SPON1: variants seen among roughly 807,000 people sequenced by gnomAD.
SPON1 encodes the protein spondin-1.
Under a neutral mutation model 111.7 loss-of-function variants are expected in SPON1, and 52 were observed. The observed-to-expected ratio is 0.47, with a 90% CI of 0.37 to 0.59. SPON1 has a LOEUF of 0.59. Ranked by LOEUF, SPON1 falls within the 20% of genes least tolerant of loss-of-function variation. The probability of loss-of-function intolerance (pLI) is 0.00; values close to 1 mark genes in which losing one functional copy is unlikely to be tolerated. For missense variants in SPON1, 957 were observed against 1,068.5 expected, an observed-to-expected ratio of 0.90 and a Z score of 1.46; for synonymous variants, 410 against 395.8, an observed-to-expected ratio of 1.04 and a Z score of -0.43.
chr11:14,226,371 G>T (rs2133909438), intron 6 of SPON1, among the ~76,000 whole-genome samples: 1 of 152,268 alleles, frequency 6.6e-6, no homozygotes, highest in Non-Finnish European at 1.5e-5. Context: ...AAAACATAAT[G>T]GGATGTGAAA....
chr11:14,217,675 A>G (rs1468120837), intron 6 of SPON1, among the ~76,000 whole-genome samples: 1 of 152,184 alleles, frequency 6.6e-6, no homozygotes, highest in Non-Finnish European at 1.5e-5. Flanking sequence ...CTTGTGTTTA[A>G]ATATAATTTG....
intron 1 of SPON1, among the ~76,000 whole-genome samples, chr11:13,973,438 G>A (rs1276656013): frequency 6.6e-6 from 1 of 152,182 alleles, no homozygotes; most frequent in Non-Finnish European, 1.5e-5. Context: ...CCTCCCCAGA[G>A]GCATCCTTCC....
At chr11:14,160,963 TTATA>T (rs1171426532) in intron 6 of SPON1, among the ~76,000 whole-genome samples, 1 of 58,080 alleles carries the variant, frequency 1.7e-5, no homozygotes, top group Non-Finnish European at 2.9e-5. Context: ...TTATATATAT[TTATA>T]TATATTTTTA....
intron 5 of SPON1, 40 bp downstream of exon 5, chr11:14,080,061 A>G: frequency 6.2e-7 from 1 of 1,613,038 alleles, no homozygotes; most frequent in Non-Finnish European, 8.5e-7. Flanking sequence ...GGAAAAGCAC[A>G]TTGTCAAAGT....
intron 6 of SPON1, among the ~76,000 whole-genome samples, chr11:14,200,871 C>T (rs192688603): frequency 3.4e-5 from 5 of 147,580 alleles, no homozygotes; most frequent in African/African-American, 1.3e-4. Flanking sequence ...ATTCAATGGT[C>T]CCAGGTTTCA....
rs186975962 is a variant in SPON1 at position 14,051,154 on chromosome 11, T to C, written c.479+9500T>C. 9.2e-5 allele frequency among the ~76,000 whole-genome samples: 14 copies of C among 152,216 alleles called. 1 individual carries two copies. In the East Asian group the frequency reaches 2.7e-3, roughly 29 times the overall value. ...TCCATTTGTTGAAGTTTAATCCCCA[T>C]CGTGATGGTATTTGGAGGTGGGACC... On this transcript the variant is annotated intron_variant, in intron 3 of 15. Transcript: ENST00000576479.
intron 10 of SPON1, among the ~76,000 whole-genome samples, chr11:14,257,389 A>G (rs1466473117): frequency 6.6e-6 from 1 of 152,208 alleles, no homozygotes; most frequent in Non-Finnish European, 1.5e-5. Context: ...ATAAGCCTTG[A>G]GCTTTTCAAA....
chr11:14,202,754 A>C (rs782252246), intron 6 of SPON1, among the ~76,000 whole-genome samples: 1 of 152,164 alleles, frequency 6.6e-6, no homozygotes, highest in African/African-American at 2.4e-5. Context: ...GGCTAATATC[A>C]TCAATTATTT....
chr11:14,145,538 T>C (rs546181721), intron 6 of SPON1, among the ~76,000 whole-genome samples: 2 of 152,364 alleles, frequency 1.3e-5, no homozygotes, highest in Admixed American at 1.3e-4. Context: ...TTATACGTTT[T>C]CTTTTTTCTA....
chr11:13,994,455 C>A (rs1004972364), intron 2 of SPON1, among the ~76,000 whole-genome samples: 7 of 152,060 alleles, frequency 4.6e-5, no homozygotes, highest in African/African-American at 1.7e-4. Context: ...CACACACACA[C>A]AAAACCTGCA....
intron 6 of SPON1, among the ~76,000 whole-genome samples, 175 bp from the exon 7 acceptor site, chr11:14,243,157 G>C (rs1363120764): frequency 3.9e-5 from 6 of 152,200 alleles, no homozygotes; most frequent in African/African-American, 1.4e-4. Context: ...CCCTCTCCCG[G>C]TATCACTGAG....
chr11:14,137,402 C>A (rs552571102), intron 6 of SPON1, among the ~76,000 whole-genome samples: 1 of 152,104 alleles, frequency 6.6e-6, no homozygotes, highest in Non-Finnish European at 1.5e-5. Context: ...GACAAACAGT[C>A]GTAATAATAA....
chr11:14,257,697 T>C lies in SPON1; in HGVS notation c.1310-19T>C, dbSNP rs1554941366. On this transcript the variant is annotated intron_variant, in intron 10 of 15. Coordinates refer to ENST00000576479, the MANE Select transcript of SPON1 (RefSeq NM_006108.4). ...CTCCCATAGGTTCCCAGGGAAAACA[T>C]GTCAAACACTCTTTCCAGATGACAC... is the stretch of plus-strand genomic sequence containing the variant. 2.5e-6 allele frequency: 4 copies of C among 1,584,380 alleles called. No individual in the cohort carries two copies. Among genetic ancestry groups the C allele is most frequent in the South Asian group, 1.1e-5 (1 of 87,706 alleles).
At chr11:14,217,983 G>T (rs1848642770) in intron 6 of SPON1, among the ~76,000 whole-genome samples, 1 of 152,100 alleles carries the variant, frequency 6.6e-6, no homozygotes, top group Non-Finnish European at 1.5e-5. Context: ...AAACCCTGGG[G>T]GTAGGGCTCA....
Position 14,259,469 on chromosome 11 carries a change from CG to C in SPON1, c.1663+22del. On this transcript the variant is annotated intron_variant, in intron 12 of 15. Transcript: ENST00000576479. This position sits in a 1 kb window ranked among gnomAD's most constrained non-coding sequence, Gnocchi z 5.0. Reference sequence around the variant, plus strand: ...GAGTGCTGTGAGTGGGGGCCCCGGGCGGGCAGGCGGGCAAGTAGGTCGGGGA... The same window carrying C: ...GAGTGCTGTGAGTGGGGGCCCCGGGCGGCAGGCGGGCAAGTAGGTCGGGGA... 3 of 1,594,546 alleles carry C rather than the reference CG, an allele frequency of 1.9e-6. No homozygotes were observed. Among genetic ancestry groups the C allele is most frequent in the Non-Finnish European group, 2.6e-6 (3 of 1,170,558 alleles).
intron 1 of SPON1, among the ~76,000 whole-genome samples, chr11:13,967,937 A>T (rs879958279): frequency 6.6e-6 from 1 of 152,260 alleles, no homozygotes; most frequent in Non-Finnish European, 1.5e-5. Context: ...AAATAAAAAC[A>T]TACAAAAAAG....
intron 5 of SPON1, among the ~76,000 whole-genome samples, chr11:14,120,766 T>G (rs1234217211): frequency 6.6e-6 from 1 of 152,218 alleles, no homozygotes; most frequent in Non-Finnish European, 1.5e-5. Flanking sequence ...ATTGAATGTT[T>G]TCTTGTGTGC....
intron 3 of SPON1, among the ~76,000 whole-genome samples, chr11:14,059,402 G>A (rs1030259816): frequency 6.6e-6 from 1 of 152,162 alleles, no homozygotes; most frequent in Non-Finnish European, 1.5e-5. Flanking sequence ...AGGCTCTTTT[G>A]CATGTGGTCT....
chr11:14,173,421 C>T (rs1376351298), intron 6 of SPON1, among the ~76,000 whole-genome samples: 1 of 152,006 alleles, frequency 6.6e-6, no homozygotes, highest in African/African-American at 2.4e-5. Context: ...TTTTTAATTG[C>T]TTTGCCATTG....
Sources: allele counts gnomAD v4.1 joint callset (sites outside exome capture counted in the v4.1 genomes callset), GRCh38; gene constraint gnomAD v4.1.1; non-coding constraint Gnocchi (gnomAD v3.1); transcripts MANE v1.5; gene names NCBI Gene and HGNC (gene_info 2026-07-23, HGNC 2026-07-21).